MAST4: variants seen among roughly 807,000 people sequenced by gnomAD.
MAST4 encodes the protein microtubule-associated serine/threonine-protein kinase 4.
MAST4 carries 89 observed loss-of-function variants against 162.7 expected under a neutral mutation model. The ratio of observed to expected loss-of-function variants is 0.55; its 90% CI spans 0.46 to 0.65. The LOEUF is 0.65. Ranked by LOEUF, MAST4 falls within the 30% of genes least tolerant of loss-of-function variation. The probability of loss-of-function intolerance (pLI) is 0.00; values close to 1 mark genes in which losing one functional copy is unlikely to be tolerated. For missense variants in MAST4, 3,153 were observed against 3,374.0 expected, an observed-to-expected ratio of 0.93 and a Z score of 1.62; for synonymous variants, 1,479 against 1,361.1, an observed-to-expected ratio of 1.09 and a Z score of -1.91.
intron 1 of MAST4, among the ~76,000 whole-genome samples, chr5:66,680,712 G>GT (rs1304110944): frequency 1.3e-5 from 2 of 152,176 alleles, no homozygotes; most frequent in Non-Finnish European, 2.9e-5. Context: ...ACGGGGAGAG[G>GT]TTTTTCCCCC....
intron 8 of MAST4, among the ~76,000 whole-genome samples, chr5:67,101,379 T>A (rs896373384): frequency 1.3e-5 from 2 of 152,182 alleles, no homozygotes; most frequent in African/African-American, 4.8e-5. Flanking sequence ...TGTGGCACCC[T>A]GGGAAAGACT....
intron 4 of MAST4, among the ~76,000 whole-genome samples, chr5:66,921,287 A>G (rs997129735): frequency 3.9e-5 from 6 of 152,060 alleles, no homozygotes; most frequent in Non-Finnish European, 7.4e-5. Flanking sequence ...CTCCAAAAAT[A>G]TTTCAGGCCT....
chr5:66,688,917 C>T (rs781004753), intron 1 of MAST4, among the ~76,000 whole-genome samples: 19 of 152,054 alleles, frequency 1.2e-4, no homozygotes, highest in Admixed American at 3.3e-4. Flanking sequence ...TGAAGAGGAA[C>T]ATTATGTGAA....
Position 67,165,753 on chromosome 5 carries a change from C to T in MAST4, c.6574C>T (p.His2192Tyr). The stretch of plus-strand genomic sequence containing the variant: ...TGCTGCGCACAGTGAAAGCAGCAGC[C>T]ACAAGCCCCGGCCTGGCCCTGACCC... ...PVAAHSESSS[H>Y]KPRPGPDPGP... The change falls in exon 29 of 29, where the codon CAC (histidine) becomes TAC (tyrosine). Residue 2192 changes from histidine to tyrosine, a missense_variant. This residue lies in a region of MAST4 where 1,644 missense variants were observed against 1,495.0 expected (regional missense o/e 1.10). Coordinates refer to ENST00000403625, the MANE Select transcript of MAST4 (RefSeq NM_001164664.2). 6.3e-7 allele frequency: 1 copy of T among 1,588,608 alleles called. No homozygotes were observed. Among genetic ancestry groups the T allele is most frequent in the Admixed American group, 1.8e-5 (1 of 55,480 alleles).
At chr5:66,767,452 A>G (rs1415368769) in intron 2 of MAST4, among the ~76,000 whole-genome samples, 1 of 152,158 alleles carries the variant, frequency 6.6e-6, no homozygotes, top group Non-Finnish European at 1.5e-5. Flanking sequence ...TCTTCAGAGG[A>G]GGAAATGATG....
intron 2 of MAST4, among the ~76,000 whole-genome samples, chr5:66,774,215 T>G (rs183743496): frequency 4.9e-4 from 75 of 152,368 alleles, no homozygotes; most frequent in African/African-American, 1.6e-3. Context: ...GTCTGATAAA[T>G]TTGAATTATT....
intron 4 of MAST4, among the ~76,000 whole-genome samples, chr5:66,948,428 C>T (rs1450320607): frequency 2.6e-5 from 4 of 152,146 alleles, no homozygotes; most frequent in South Asian, 4.1e-4. Context: ...ATTATCCAAA[C>T]ATGTGCTCTT....
intron 1 of MAST4, among the ~76,000 whole-genome samples, chr5:66,749,886 A>C (rs901164276): frequency 7.9e-5 from 12 of 152,238 alleles, no homozygotes; most frequent in Non-Finnish European, 1.8e-4. Flanking sequence ...TGTTCTATCA[A>C]ATTTTAAAAT....
intron 3 of MAST4, among the ~76,000 whole-genome samples, chr5:66,855,640 G>A (rs1759626434): frequency 6.6e-6 from 1 of 152,128 alleles, no homozygotes; most frequent in Non-Finnish European, 1.5e-5. Flanking sequence ...CAACGGGAAT[G>A]TCATTTGACT....
At position 67,162,873 on chromosome 5, in the gene MAST4, G is replaced by T. The variant is rs951899942; in HGVS notation, c.3967+85G>T. The T allele has an allele frequency of 1.9e-5, 26 of 1,392,692 alleles. No homozygotes were observed. In the African/African-American group the frequency reaches 3.2e-4, roughly 17 times the overall value. 86.3% of individuals were successfully genotyped at this position (1,392,692 alleles called of 1,614,324 possible). A position where few individuals can be genotyped will look rare whatever the true frequency, so the allele number is the denominator to read the frequency against. On this transcript the variant is annotated intron_variant, in intron 28 of 28. Transcript: ENST00000403625. ...CCCAAAAAACATGAAGCTTGTTCCA[G>T]CTGAAAGAAAGCAGGTTGAAGGTGT...
At chr5:67,122,821 G>A (rs1479422966) in intron 14 of MAST4, among the ~76,000 whole-genome samples, 2 of 152,158 alleles carry the variant, frequency 1.3e-5, no homozygotes, top group East Asian at 3.8e-4. Context: ...ATCACACTTT[G>A]GGGAATAGTT....
chr5:66,672,541 GGAGA>G (rs1183983411), intron 1 of MAST4, among the ~76,000 whole-genome samples: 1 of 152,184 alleles, frequency 6.6e-6, no homozygotes, highest in Non-Finnish European at 1.5e-5. Flanking sequence ...GAAGAAATCA[GGAGA>G]GAGAAAGGAT....
At chr5:66,784,668 G>C (rs546607769) in intron 2 of MAST4, among the ~76,000 whole-genome samples, 1 of 152,176 alleles carries the variant, frequency 6.6e-6, no homozygotes, top group South Asian at 2.1e-4. Context: ...TTTTGTGTGT[G>C]TGTGACCCGG....
intron 3 of MAST4, among the ~76,000 whole-genome samples, chr5:66,887,044 C>CT (rs1023771927): frequency 2.0e-5 from 3 of 151,916 alleles, no homozygotes; most frequent in South Asian, 2.1e-4. Context: ...GCTTTTGATG[C>CT]TTTTTTTAAA....
At chr5:66,793,152 C>G (rs1755496056) in intron 3 of MAST4, among the ~76,000 whole-genome samples, 1 of 152,166 alleles carries the variant, frequency 6.6e-6, no homozygotes, top group Non-Finnish European at 1.5e-5. Context: ...AGATTAATTC[C>G]TAGCCTGAAG....
At chr5:66,730,374 A>AT (rs2149553100) in intron 1 of MAST4, among the ~76,000 whole-genome samples, 2 of 152,212 alleles carry the variant, frequency 1.3e-5, no homozygotes, top group East Asian at 3.9e-4. Flanking sequence ...CAATTTATAC[A>AT]TTCCCCCCAA....
intron 28 of MAST4, 53 bp downstream of exon 28, chr5:67,162,841 T>C (rs1003818539): frequency 3.9e-6 from 6 of 1,533,716 alleles, no homozygotes; most frequent in Non-Finnish European, 5.3e-6. Context: ...TAAAGTCATG[T>C]GAGGTCCCCA....
intron 1 of MAST4, among the ~76,000 whole-genome samples, chr5:66,672,189 G>T (rs1747650711): frequency 6.6e-6 from 1 of 152,132 alleles, no homozygotes; most frequent in Non-Finnish European, 1.5e-5. Flanking sequence ...GTAGGTTTTA[G>T]CTCACCATGT....
chr5:67,117,230 A>G (rs944393308), intron 12 of MAST4, among the ~76,000 whole-genome samples: 1 of 152,172 alleles, frequency 6.6e-6, no homozygotes, highest in Non-Finnish European at 1.5e-5. Context: ...AAGTCCATAA[A>G]TCTAAGATGC....
Sources: gnomAD v4.1 joint callset for allele counts (sites outside exome capture counted in the v4.1 genomes callset) on GRCh38, gnomAD v4.1.1 for gene constraint, gnomAD v4.1.1 regional missense constraint, MANE v1.5 for transcripts, NCBI Gene and HGNC (gene_info 2026-07-23, HGNC 2026-07-21) for gene names.